Variants in RBM20 observed in about 807,000 individuals in gnomAD.
RBM20 encodes the protein RNA binding motif protein 20.
In RBM20, 51 loss-of-function variants were observed where a neutral mutation model predicts 110.1. That is an observed-to-expected ratio of 0.46 (90% confidence interval 0.37 to 0.59). The LOEUF is 0.59. Among genes scored for constraint, RBM20 ranks in the 20% least tolerant of loss-of-function variants. The pLI, the probability that RBM20 is intolerant of heterozygous loss-of-function variation, is 0.00. For synonymous variants in RBM20, 589 were observed against 618.2 expected (o/e 0.95, Z 0.70); for missense variants, 1,512 against 1,574.9 (o/e 0.96, Z 0.68).
intron 5 of RBM20, among the ~76,000 whole-genome samples, chr10:110,789,787 G>C (rs1314558045): frequency 6.6e-6 from 1 of 152,194 alleles, no homozygotes; most frequent in Non-Finnish European, 1.5e-5. Flanking sequence ...CCAGAGATAG[G>C]TGTTCACTTT....
chr10:110,737,123 G>C (rs966486566), intron 1 of RBM20, among the ~76,000 whole-genome samples: 1 of 140,426 alleles, frequency 7.1e-6, no homozygotes, highest in African/African-American at 2.7e-5. Flanking sequence ...GTTGCAGTGA[G>C]CTGAGATAGT....
chr10:110,823,539 G>A lies in RBM20; in HGVS notation c.3376G>A (p.Val1126Met). ...GGTGAGGTCACCAGAGTACACTGAAGTGGAACTGAAACAGCCCCTTTCTTT... is the reference window on the plus strand; with the variant it reads ...GGTGAGGTCACCAGAGTACACTGAAATGGAACTGAAACAGCCCCTTTCTTT... Reference protein sequence around the residue: ...LEVRSPEYTEVELKQPLSLPS... With the variant: ...LEVRSPEYTEMELKQPLSLPS... The change falls in exon 12 of 14, where the codon GTG becomes ATG. Residue 1126 changes from valine to methionine, a missense_variant. Transcript: ENST00000369519. 4 of 1,545,418 alleles carry A rather than the reference G, an allele frequency of 2.6e-6. No individual in the cohort carries two copies. The highest frequency in any genetic ancestry group is 3.5e-6 in the Non-Finnish European group (4 of 1,145,118).
At chr10:110,700,899 C>T (rs577012568) in intron 1 of RBM20, among the ~76,000 whole-genome samples, 1 of 152,184 alleles carries the variant, frequency 6.6e-6, no homozygotes, top group Non-Finnish European at 1.5e-5. Flanking sequence ...CCTGTAATCC[C>T]AGCTACTTGG....
chr10:110,800,670 C>A (rs1844610876), intron 7 of RBM20, among the ~76,000 whole-genome samples: 1 of 152,226 alleles, frequency 6.6e-6, no homozygotes, highest in Admixed American at 6.5e-5. Flanking sequence ...CCTCTCTACT[C>A]TCCTGACTTC....
chr10:110,805,929 G>C lies in RBM20; in HGVS notation c.1801-4454G>C, dbSNP rs1056983270. Among the ~76,000 whole-genome samples, 3 of 152,158 alleles carry C rather than the reference G, an allele frequency of 2.0e-5. No individual in the cohort carries two copies. In the South Asian group the frequency reaches 6.2e-4, roughly 31 times the overall value. ...CAAAATAATATAGGGGGTGGGGAAG[G>C]AGGGTGGTGAGTACAGATGTGTATT... On this transcript the variant is annotated intron_variant, in intron 7 of 13. Coordinates refer to ENST00000369519, the MANE Select transcript of RBM20 (RefSeq NM_001134363.3).
intron 5 of RBM20, among the ~76,000 whole-genome samples, chr10:110,792,509 T>C (rs150796187): frequency 9.3e-4 from 142 of 152,314 alleles, no homozygotes; most frequent in African/African-American, 3.2e-3. Flanking sequence ...ACCCCTGTTT[T>C]ACAGACAAGC....
chr10:110,765,586 A>G lies in RBM20; in HGVS notation c.192-15215A>G, dbSNP rs138163596. ...TCAGGGTACAAATTTGGACATGGAC[A>G]TGATGGTCTGTTAGCAGACTCAAGC... On this transcript the variant is annotated intron_variant, in intron 1 of 13. Coordinates refer to ENST00000369519, the MANE Select transcript of RBM20 (RefSeq NM_001134363.3). 3.5e-3 allele frequency among the ~76,000 whole-genome samples: 533 copies of G among 152,304 alleles called. 3 individuals are homozygous for G. Among genetic ancestry groups the G allele is most frequent in the African/African-American group, 0.012 (496 of 41,562 alleles).
intron 1 of RBM20, among the ~76,000 whole-genome samples, chr10:110,679,963 G>A (rs1862398805): frequency 6.6e-6 from 1 of 152,208 alleles, no homozygotes; most frequent in African/African-American, 2.4e-5. Flanking sequence ...TTCATCCCTG[G>A]ACTGACACTG....
intron 7 of RBM20, among the ~76,000 whole-genome samples, chr10:110,803,530 A>G (rs952685194): frequency 2.0e-5 from 3 of 152,164 alleles, no homozygotes; most frequent in Non-Finnish European, 4.4e-5. Context: ...ACGAGGTCCC[A>G]GGAGATGCTG....
At chr10:110,728,097 T>C (rs1391796508) in intron 1 of RBM20, among the ~76,000 whole-genome samples, 2 of 152,254 alleles carry the variant, frequency 1.3e-5, no homozygotes, top group South Asian at 2.1e-4. Flanking sequence ...TTGTAAATAG[T>C]GCTGTAATAA....
At chr10:110,664,155 A>G (rs1862145289) in intron 1 of RBM20, among the ~76,000 whole-genome samples, 1 of 152,230 alleles carries the variant, frequency 6.6e-6, no homozygotes, top group Non-Finnish European at 1.5e-5. Context: ...CACCTGTAAC[A>G]TCCAGATTAT....
intron 5 of RBM20, among the ~76,000 whole-genome samples, chr10:110,786,733 G>A (rs2135054408): frequency 6.6e-6 from 1 of 152,324 alleles, no homozygotes; most frequent in South Asian, 2.1e-4. Context: ...GGGGGTGTGG[G>A]CCATGGAGGC....
Position 110,715,182 on chromosome 10 carries a change from A to G in RBM20, c.192-65619A>G, listed in dbSNP as rs957475087. ...AGAATCGCTTGAACCAGGGAGGCAG[A>G]GGCTGCAGTGAGTCAAGATCGCACC... On this transcript the variant is annotated intron_variant, in intron 1 of 13. Coordinates refer to ENST00000369519, the MANE Select transcript of RBM20 (RefSeq NM_001134363.3). Among the ~76,000 whole-genome samples, 6 of 152,238 alleles carry G rather than the reference A, an allele frequency of 3.9e-5. No homozygotes were observed. The East Asian group carries it at 1.2e-3, about 29-fold the overall frequency.
At chr10:110,771,489 G>A (rs188490340) in intron 1 of RBM20, among the ~76,000 whole-genome samples, 18 of 152,326 alleles carry the variant, frequency 1.2e-4, no homozygotes, top group Admixed American at 2.0e-4. Context: ...ATTGTGATGT[G>A]GTGTGGGACA....
chr10:110,702,105 A>G (rs557262554), intron 1 of RBM20, among the ~76,000 whole-genome samples: 5 of 147,416 alleles, frequency 3.4e-5, no homozygotes, highest in Admixed American at 6.7e-5. Flanking sequence ...GTGCTCCCCA[A>G]TGTGCCCACC....
chr10:110,823,436 T>TC (rs1844941031), intron 11 of RBM20, 44 bp from the exon 12 acceptor site: 2 of 21,014 alleles, frequency 9.5e-5, no homozygotes, highest in African/African-American at 2.7e-4. Flanking sequence ...TATTTCTTTT[T>TC]TTTTTTTTTT....
At chr10:110,835,195 CA>C (rs1252186453) in intron 13 of RBM20, 1 of 152,134 alleles carries the variant, frequency 6.6e-6, no homozygotes, top group African/African-American at 2.4e-5. Flanking sequence ...TTCTGGAAAA[CA>C]GAGTTGTTTT....
At chr10:110,737,204 A>C (rs758869818) in intron 1 of RBM20, among the ~76,000 whole-genome samples, 133 of 144,424 alleles carry the variant, frequency 9.2e-4, no homozygotes, top group African/African-American at 2.1e-3. Flanking sequence ...AAAACACCCC[A>C]CACACACACT....
At chr10:110,688,995 A>AT (rs140643026) in intron 1 of RBM20, among the ~76,000 whole-genome samples, 8 of 151,144 alleles carry the variant, frequency 5.3e-5, no homozygotes, top group Non-Finnish European at 1.0e-4. Flanking sequence ...GCTTTTAGGC[A>AT]TTTTTTTGTT....
Sources: allele counts gnomAD v4.1 joint callset (sites outside exome capture counted in the v4.1 genomes callset), GRCh38; gene constraint gnomAD v4.1.1; transcripts MANE v1.5; gene names NCBI Gene and HGNC (gene_info 2026-07-23, HGNC 2026-07-21).